NRG1: variants seen among roughly 807,000 people sequenced by gnomAD.
NRG1 encodes pro-neuregulin-1, membrane-bound isoform.
NRG1 carries 18 observed loss-of-function variants against 63.8 expected under a neutral mutation model. The ratio of observed to expected loss-of-function variants is 0.28; its 90% confidence interval spans 0.19 to 0.42. NRG1 has a LOEUF of 0.42. Among genes scored for constraint, NRG1 ranks in the 10% least tolerant of loss-of-function variants. The probability of loss-of-function intolerance (pLI) is 1.00; values close to 1 mark genes in which losing one functional copy is unlikely to be tolerated. For missense variants in NRG1, 762 were observed against 814.7 expected (o/e 0.94, Z 0.79); for synonymous variants, 302 against 301.3 (o/e 1.00, Z -0.02).
intron 1 of NRG1, among the ~76,000 whole-genome samples, chr8:32,096,389 A>G (rs1452805763): frequency 1.3e-5 from 2 of 152,230 alleles, no homozygotes; most frequent in Non-Finnish European, 2.9e-5. Flanking sequence ...CACACTTAAC[A>G]TATCTGTCAC....
chr8:32,617,742 G>A (rs1468009313), intron 5 of NRG1, among the ~76,000 whole-genome samples: 1 of 152,164 alleles, frequency 6.6e-6, no homozygotes, highest in African/African-American at 2.4e-5. Context: ...GATCTGGGGA[G>A]TGTGTTGAAG....
chr8:32,625,218 C>A (rs1736327361), intron 5 of NRG1, among the ~76,000 whole-genome samples: 1 of 151,248 alleles, frequency 6.6e-6, no homozygotes, highest in East Asian at 1.9e-4. Context: ...CATAGTTTAG[C>A]TAATCATCAA....
At chr8:32,294,188 T>G (rs1854567527) in intron 1 of NRG1, among the ~76,000 whole-genome samples, 2 of 151,976 alleles carry the variant, frequency 1.3e-5, no homozygotes, top group African/African-American at 2.4e-5. Flanking sequence ...GTCCTCCCCC[T>G]GCTGGTTACC....
intron 1 of NRG1, among the ~76,000 whole-genome samples, chr8:32,366,177 A>G (rs1490027339): frequency 1.3e-5 from 2 of 152,086 alleles, no homozygotes; most frequent in Admixed American, 6.6e-5. Flanking sequence ...TTCACCTTGA[A>G]CATTTATTAT....
At chr8:32,297,047 G>A (rs147282486) in intron 1 of NRG1, among the ~76,000 whole-genome samples, 8,470 of 152,094 alleles carry the variant, frequency 0.056, 280 homozygotes, top group South Asian at 0.07. Context: ...ACCAGGAGGC[G>A]GAGGTTGCAG....
intron 1 of NRG1, among the ~76,000 whole-genome samples, chr8:31,794,555 G>A (rs1364058750): frequency 1.3e-5 from 2 of 151,810 alleles, no homozygotes; most frequent in East Asian, 3.9e-4. Context: ...AGCAAAGGAA[G>A]TAGAATAGTA....
At chr8:32,597,822 C>CT (rs1216263162) in intron 2 of NRG1, among the ~76,000 whole-genome samples, 3 of 151,988 alleles carry the variant, frequency 2.0e-5, no homozygotes, top group Non-Finnish European at 4.4e-5. Flanking sequence ...AGGTCTGACT[C>CT]TAAGTCTCAT....
At chr8:32,198,419 C>A (rs535502438) in intron 1 of NRG1, among the ~76,000 whole-genome samples, 1 of 152,258 alleles carries the variant, frequency 6.6e-6, no homozygotes, top group African/African-American at 2.4e-5. Flanking sequence ...CTCAGGTAAT[C>A]CACCTGCCTC....
intron 1 of NRG1, among the ~76,000 whole-genome samples, chr8:32,574,620 C>T (rs866978091): frequency 4.6e-5 from 7 of 152,212 alleles, no homozygotes; most frequent in Non-Finnish European, 7.4e-5. Flanking sequence ...CTTGCTTGCT[C>T]GCTCCTGCTT....
At chr8:32,056,099 T>C (rs16875654) in intron 1 of NRG1, among the ~76,000 whole-genome samples, 10,078 of 152,186 alleles carry the variant, frequency 0.066, 1,087 homozygotes, top group African/African-American at 0.23. Flanking sequence ...GTAATCAGAA[T>C]GCCAAGTTAT....
At chr8:31,784,980 T>C (rs1359269747) in intron 1 of NRG1, among the ~76,000 whole-genome samples, 2 of 152,200 alleles carry the variant, frequency 1.3e-5, no homozygotes, top group East Asian at 1.9e-4. Flanking sequence ...TTTTACTCCC[T>C]TTGATTGCTA....
intron 1 of NRG1, among the ~76,000 whole-genome samples, chr8:32,337,762 C>A (rs937616663): frequency 1.8e-4 from 26 of 148,146 alleles, no homozygotes; most frequent in African/African-American, 6.5e-4. Context: ...AAAGGCCAAG[C>A]CTGCATATCC....
chr8:31,749,407 C>A (rs980997008), intron 1 of NRG1, among the ~76,000 whole-genome samples: 9 of 151,800 alleles, frequency 5.9e-5, no homozygotes, highest in African/African-American at 2.2e-4. Flanking sequence ...ACTTGCCAAT[C>A]CCAGTGTCTT....
At chr8:31,692,165 C>T (rs1486647928) in intron 1 of NRG1, among the ~76,000 whole-genome samples, 1 of 152,208 alleles carries the variant, frequency 6.6e-6, no homozygotes, top group Non-Finnish European at 1.5e-5. Flanking sequence ...AGAATAGCAA[C>T]ACTAAGTAGT....
At chr8:31,938,775 G>A (rs760311803) in intron 1 of NRG1, among the ~76,000 whole-genome samples, 18 of 152,310 alleles carry the variant, frequency 1.2e-4, no homozygotes, top group Admixed American at 1.0e-3. Context: ...GCACTGGAAA[G>A]TCTCAGCCAT....
chr8:32,096,039 G>A (rs1462890913), intron 1 of NRG1, among the ~76,000 whole-genome samples: 1 of 152,166 alleles, frequency 6.6e-6, no homozygotes, highest in Non-Finnish European at 1.5e-5. Flanking sequence ...AGTATTTCAG[G>A]CAGAGGGAAT....
At position 32,601,603 on chromosome 8, in the gene NRG1, A is replaced by C. The variant is rs141866221; in HGVS notation, c.279-3959A>C. ...TGGAAATATATTTAAATAGCTACTCATATTTCATTCATAGTTGTCTGCCAG... is the reference window on the plus strand; with the variant it reads ...TGGAAATATATTTAAATAGCTACTCCTATTTCATTCATAGTTGTCTGCCAG... On this transcript the variant is annotated intron_variant, in intron 2 of 11. Transcript: ENST00000356819. Among the ~76,000 whole-genome samples, 986 of 152,218 alleles carry C rather than the reference A, an allele frequency of 6.5e-3. 11 individuals carry two copies. Among genetic ancestry groups the C allele is most frequent in the African/African-American group, 0.022 (926 of 41,558 alleles).
At chr8:32,024,444 G>GTT (rs1425466848) in intron 1 of NRG1, among the ~76,000 whole-genome samples, 3 of 152,206 alleles carry the variant, frequency 2.0e-5, no homozygotes, top group Admixed American at 1.3e-4. Flanking sequence ...AGGCTACAGT[G>GTT]TTTGGCTGTG....
chr8:32,085,188 T>G (rs1053230637), intron 1 of NRG1, among the ~76,000 whole-genome samples: 1 of 152,248 alleles, frequency 6.6e-6, no homozygotes, highest in Non-Finnish European at 1.5e-5. Flanking sequence ...CACTCGCCCA[T>G]AGGATTCTTT....
Sources: gnomAD v4.1 joint callset for allele counts (sites outside exome capture counted in the v4.1 genomes callset) on GRCh38, gnomAD v4.1.1 for gene constraint, MANE v1.5 for transcripts, NCBI Gene and HGNC (gene_info 2026-07-23, HGNC 2026-07-21) for gene names.